The following ODAD4 variants were observed in gnomAD, a reference collection of about 807,000 sequenced individuals.
ODAD4 encodes outer dynein arm docking complex subunit 4.
ODAD4 carries 49 observed loss-of-function variants against 51.8 expected under a neutral mutation model. The ratio of observed to expected loss-of-function variants is 0.95; its 90% CI spans 0.75 to 1.20. The LOEUF (loss-of-function observed/expected upper bound fraction) is 1.20. Ranked by LOEUF, ODAD4 falls within the 50% of genes most tolerant of loss-of-function variation. The pLI is 0.00. For missense variants in ODAD4, 590 were observed against 586.5 expected, an observed-to-expected ratio of 1.01 and a Z score of -0.06; for synonymous variants, 235 against 221.3, an observed-to-expected ratio of 1.06 and a Z score of -0.55.
chr17:41,945,272 C>A, intron 8 of ODAD4, 50 bp downstream of exon 8: 2 of 1,390,222 alleles, frequency 1.4e-6, no homozygotes, highest in Non-Finnish European at 2.0e-6. Flanking sequence ...TAGAACTTCT[C>A]ACCATAACAT....
intron 11 of ODAD4, 21 bp from the exon 12 acceptor site, chr17:41,964,972 C>A: frequency 1.5e-6 from 1 of 682,812 alleles, no homozygotes. Context: ...TCTTTCTTCC[C>A]GCTTTTCTCT....
At chr17:41,953,350 C>T (rs539408225) in intron 9 of ODAD4, among the ~76,000 whole-genome samples, 66 of 150,228 alleles carry the variant, frequency 4.4e-4, no homozygotes, top group Non-Finnish European at 7.5e-4. Context: ...TGAGCCACCG[C>T]GACTGGCTGT....
chr17:41,952,182 C>G (rs1038663279), intron 9 of ODAD4, among the ~76,000 whole-genome samples: 1 of 151,802 alleles, frequency 6.6e-6, no homozygotes, highest in Non-Finnish European at 1.5e-5. Flanking sequence ...GCCTGGCCAA[C>G]ATAGTGAAAC....
At chr17:41,945,326 G>A in intron 8 of ODAD4, 104 bp downstream of exon 8, 1 of 738,484 alleles carries the variant, frequency 1.4e-6, no homozygotes, top group South Asian at 1.9e-5. Flanking sequence ...GGGCAACATA[G>A]GAAGACTCCC....
At chr17:41,956,349 A>G (rs1598089465) in intron 10 of ODAD4, among the ~76,000 whole-genome samples, 1 of 148,316 alleles carries the variant, frequency 6.7e-6, no homozygotes, top group East Asian at 2.0e-4. Context: ...GTGCCTGGCC[A>G]TAATTTTTGT....
chr17:41,948,554 C>T (rs2050616541), intron 8 of ODAD4, among the ~76,000 whole-genome samples: 1 of 151,806 alleles, frequency 6.6e-6, no homozygotes, highest in South Asian at 2.1e-4. Context: ...TCAAGCAATC[C>T]ACCCACGTTG....
At chr17:41,934,268 T>C (rs2050393875) in intron 1 of ODAD4, among the ~76,000 whole-genome samples, 1 of 151,994 alleles carries the variant, frequency 6.6e-6, no homozygotes, top group Admixed American at 6.6e-5. Flanking sequence ...CTCAAACTCC[T>C]GACTTCAAGT....
In ODAD4 at chr17:41,930,736, G is replaced by T; in HGVS notation, c.13G>T (p.Glu5Ter). 1 of 1,609,960 alleles carries T rather than the reference G, an allele frequency of 6.2e-7. No individual in the cohort carries two copies. Among genetic ancestry groups the T allele is most frequent in the Non-Finnish European group, 8.5e-7 (1 of 1,177,824 alleles). The change falls in exon 1 of 12, where the codon GAA becomes TAA. Residue 5 changes from glutamate (E) to a stop codon, truncating the protein, a stop_gained. Transcript: ENST00000377540. LOFTEE classifies it high-confidence loss of function. ...AAATCCGGTCACCATGTCGGACCCC[G>T]AAGGCGAGACCTTGCGAAGCACCTT... The part of the protein sequence containing the change: MSDP[E>*]GETLRSTFPS...
intron 9 of ODAD4, among the ~76,000 whole-genome samples, chr17:41,951,795 A>G (rs1164725602): frequency 6.7e-6 from 1 of 148,662 alleles, no homozygotes; most frequent in African/African-American, 2.5e-5. Context: ...GAGGCAGGAG[A>G]ACTGCTTGAA....
At chr17:41,945,297 G>A (rs1159953361) in intron 8 of ODAD4, 75 bp downstream of exon 8, 20 of 1,179,452 alleles carry the variant, frequency 1.7e-5, no homozygotes, top group South Asian at 6.7e-5. Context: ...ATTTGTTTCC[G>A]GTAATAAGAA....
chr17:41,957,318 C>T (rs1022791127), intron 10 of ODAD4, among the ~76,000 whole-genome samples: 3 of 152,142 alleles, frequency 2.0e-5, no homozygotes, highest in Non-Finnish European at 4.4e-5. Flanking sequence ...TGTTCCACCT[C>T]AGATCATCAG....
chr17:41,930,979 C>T (rs2050325513), intron 1 of ODAD4, 142 bp downstream of exon 1: 3 of 558,426 alleles, frequency 5.4e-6, no homozygotes, highest in East Asian at 6.5e-5. Context: ...CCGCAACCTC[C>T]GCCTCCCGGG....
In ODAD4 at chr17:41,935,273, C is replaced by G; in HGVS notation, c.171C>G (p.Phe57Leu). Reference sequence around the variant, plus strand: ...GCCTGGTTGCTCGCTCAAAGTGCTTCCTGAAGATGGGAGACTTGGAGAGAT... The same window carrying G: ...GCCTGGTTGCTCGCTCAAAGTGCTTGCTGAAGATGGGAGACTTGGAGAGAT... ...KNCLVARSKCFLKMGDLERSL... is the reference protein window; with the variant it reads ...KNCLVARSKCLLKMGDLERSL... The change falls in exon 2 of 12, where the codon TTC becomes TTG. Residue 57 changes from phenylalanine to leucine, a missense_variant. Physicochemically the swap from Phe to Leu is conservative, Grantham distance 22. Around this residue, in one of 3 missense-constraint regions of ODAD4, gnomAD observed 360 missense variants for 407.5 expected, o/e 0.88. Coordinates refer to ENST00000377540, the MANE Select transcript of ODAD4 (RefSeq NM_031421.5). 6.2e-7 allele frequency: 1 copy of G among 1,613,992 alleles called. No individual in the cohort carries two copies. The highest frequency in any genetic ancestry group is 8.5e-7 in the Non-Finnish European group (1 of 1,179,896).
At chr17:41,950,124 C>T (rs1337925696) in intron 9 of ODAD4, among the ~76,000 whole-genome samples, 255 of 151,760 alleles carry the variant, frequency 1.7e-3, no homozygotes, top group Middle Eastern at 0.014. Flanking sequence ...CGCGCACCAC[C>T]ACACCCGGCT....
In ODAD4 at chr17:41,965,978, G is replaced by A. The variant is rs564305539; in HGVS notation, c.*495G>A. ...GCTGGGAGTGAGGCCAAAGATAGGG[G>A]AGTGGCCTGGGAGTCGGGAGGGCAG... On this transcript the variant is annotated 3_prime_UTR_variant, in exon 12 of 12. Transcript: ENST00000377540. Among the ~76,000 whole-genome samples, 1 of 152,312 alleles carries A rather than the reference G, an allele frequency of 6.6e-6. No homozygotes were observed. Among genetic ancestry groups the A allele is most frequent in the South Asian group, 2.1e-4 (1 of 4,832 alleles).
At chr17:41,932,195 G>T (rs1268236373) in intron 1 of ODAD4, among the ~76,000 whole-genome samples, 5 of 152,014 alleles carry the variant, frequency 3.3e-5, no homozygotes, top group African/African-American at 1.2e-4. Context: ...TCAGCCTCCC[G>T]AGTAGCTGGG....
chr17:41,940,177 C>T (rs987666795), intron 7 of ODAD4, among the ~76,000 whole-genome samples: 4 of 152,168 alleles, frequency 2.6e-5, no homozygotes, highest in Admixed American at 6.5e-5. Flanking sequence ...CCCATCATCC[C>T]ATTTGCCCTC....
Position 41,965,487 on chromosome 17 carries a change from C to T in ODAD4, c.*4C>T, listed in dbSNP as rs782733654. 1 of 763,702 alleles carries T rather than the reference C, an allele frequency of 1.3e-6. No individual in the cohort carries two copies. The highest frequency in any genetic ancestry group is 2.4e-6 in the Non-Finnish European group (1 of 413,756). The allele number at this position is 763,702 out of a possible 1,614,324, so 47.3% of individuals were successfully genotyped here. ...GATGGAAAAGGAATATGAATGAAGC[C>T]ATCGGTAGAGATGAGGATCAGGAAG... On this transcript the variant is annotated 3_prime_UTR_variant, in exon 12 of 12. Coordinates refer to ENST00000377540, the MANE Select transcript of ODAD4 (RefSeq NM_031421.5).
intron 8 of ODAD4, among the ~76,000 whole-genome samples, chr17:41,946,943 C>T (rs1409488771): frequency 4.6e-5 from 7 of 151,698 alleles, no homozygotes; most frequent in African/African-American, 1.5e-4. Flanking sequence ...CTCCACCTCC[C>T]GGGTTCACGC....
Sources: gnomAD v4.1 joint callset for allele counts (sites outside exome capture counted in the v4.1 genomes callset) on GRCh38, gnomAD v4.1.1 for gene constraint, gnomAD v4.1.1 regional missense constraint, MANE v1.5 for transcripts, NCBI Gene and HGNC (gene_info 2026-07-23, HGNC 2026-07-21) for gene names.